The following LHPP variants were observed in gnomAD, a reference collection of about 807,000 sequenced individuals.
The protein encoded by LHPP is hLHPP.
LHPP carries 24 observed loss-of-function variants against 30.3 expected under a neutral mutation model. That is an observed-to-expected ratio of 0.79 (90% CI 0.57 to 1.11). The LOEUF is 1.11. LHPP is among the 50% of genes most tolerant of loss of function. LHPP has a pLI of 0.00. For synonymous variants in LHPP, 150 were observed against 157.1 expected (o/e 0.95, Z 0.34); for missense variants, 356 against 367.2 (o/e 0.97, Z 0.25).
chr10:124,574,962 C>A (rs557794220), intron 6 of LHPP, among the ~76,000 whole-genome samples: 3 of 152,256 alleles, frequency 2.0e-5, no homozygotes, highest in Non-Finnish European at 4.4e-5. Flanking sequence ...TGCCTCCTGC[C>A]GGGCCCTCCC....
At chr10:124,561,002 G>T (rs891490367) in intron 6 of LHPP, among the ~76,000 whole-genome samples, 7 of 152,188 alleles carry the variant, frequency 4.6e-5, no homozygotes, top group African/African-American at 1.7e-4. Flanking sequence ...GAAAGGAAGA[G>T]AGGAGAAGGC....
Position 124,571,835 on chromosome 10 carries a change from G to A in LHPP, c.717-41429G>A, listed in dbSNP as rs145655839. Among the ~76,000 whole-genome samples the A allele has an allele frequency of 1.5e-3, 222 of 152,330 alleles. 1 individual carries two copies. The highest frequency in any genetic ancestry group is 4.2e-3 in the East Asian group (22 of 5,184). ...AGCAGAGGAAGATAGACAACATGGC[G>A]ATGGATGAGGAAGTTGGGTTGTCTG... On this transcript the variant is annotated intron_variant, in intron 6 of 6. Coordinates refer to ENST00000368842, the MANE Select transcript of LHPP (RefSeq NM_022126.4).
In LHPP at chr10:124,572,801, G is replaced by A. The variant is rs183818071; in HGVS notation, c.717-40463G>A. 3.0e-3 allele frequency among the ~76,000 whole-genome samples: 454 copies of A among 152,272 alleles called. 3 individuals carry two copies. Among genetic ancestry groups the A allele is most frequent in the African/African-American group, 0.01 (435 of 41,548 alleles). On this transcript the variant is annotated intron_variant, in intron 6 of 6. Coordinates refer to ENST00000368842, the MANE Select transcript of LHPP (RefSeq NM_022126.4). ...GAAATCCAGAGGTTTGACCATGGGC[G>A]TCATTTCATCACTGCACTTGGCAGA...
chr10:124,586,899 A>C (rs1224560323), intron 6 of LHPP, among the ~76,000 whole-genome samples: 2 of 152,136 alleles, frequency 1.3e-5, no homozygotes, highest in Admixed American at 6.5e-5. Context: ...AATTATTTAT[A>C]TATGTGTGCA....
chr10:124,573,230 T>C (rs75020610), intron 6 of LHPP, among the ~76,000 whole-genome samples: 15,345 of 152,344 alleles, frequency 0.1, 1,015 homozygotes, highest in Non-Finnish European at 0.15. Context: ...CAGTTTCCTC[T>C]GTGAACACCT....
intron 2 of LHPP, among the ~76,000 whole-genome samples, chr10:124,486,770 C>T (rs1953340207): frequency 1.3e-5 from 2 of 152,270 alleles, no homozygotes; most frequent in Non-Finnish European, 2.9e-5. Context: ...CGCAGGGATA[C>T]AGAAACAGGT....
chr10:124,588,345 G>A (rs1021065039), intron 6 of LHPP, among the ~76,000 whole-genome samples: 1 of 150,094 alleles, frequency 6.7e-6, no homozygotes, highest in Non-Finnish European at 1.5e-5. Flanking sequence ...AGGCTGGAGT[G>A]CAGTGGCACA....
At chr10:124,470,868 T>C (rs1787102549) in intron 1 of LHPP, among the ~76,000 whole-genome samples, 1 of 151,906 alleles carries the variant, frequency 6.6e-6, no homozygotes, top group African/African-American at 2.4e-5. Context: ...GGACAAGGGG[T>C]GTTTGTCGAG....
intron 5 of LHPP, 37 bp downstream of exon 5, chr10:124,498,165 A>AGCCCTGTCAGGGAGGCC: frequency 6.5e-7 from 1 of 1,542,504 alleles, no homozygotes; most frequent in Non-Finnish European, 9.0e-7. Context: ...CAGGGGAGGC[A>AGCCCTGTCAGGGAGGCC]GCCCCGTCAG....
chr10:124,584,464 G>A (rs185994742), intron 6 of LHPP, among the ~76,000 whole-genome samples: 18 of 152,244 alleles, frequency 1.2e-4, no homozygotes, highest in African/African-American at 4.3e-4. Flanking sequence ...TGTCTGGTGA[G>A]TGCTACTCTG....
At chr10:124,527,620 C>G (rs1954775791) in intron 6 of LHPP, among the ~76,000 whole-genome samples, 1 of 152,178 alleles carries the variant, frequency 6.6e-6, no homozygotes, top group Non-Finnish European at 1.5e-5. Context: ...GGGCTGAAAC[C>G]AGAGCAGCAG....
chr10:124,474,652 T>C (rs11245087), intron 1 of LHPP, among the ~76,000 whole-genome samples: 1 of 151,622 alleles, frequency 6.6e-6, no homozygotes, highest in Non-Finnish European at 1.5e-5. Flanking sequence ...AAACCACAGG[T>C]CCCATCTCCA....
rs114323602 is a variant in LHPP, at chr10:124,611,149, C to G, written c.717-2115C>G. 6.6e-3 allele frequency among the ~76,000 whole-genome samples: 1,008 copies of G among 151,888 alleles called. 11 individuals are homozygous for G. Among genetic ancestry groups the G allele is most frequent in the African/African-American group, 0.023 (959 of 41,386 alleles). ...AGTGGCCGTGCTTGGGACGGCCAGC[C>G]AAGCGATCCCCACTGGTACTGGCAT... On this transcript the variant is annotated intron_variant, in intron 6 of 6. Coordinates refer to ENST00000368842, the MANE Select transcript of LHPP (RefSeq NM_022126.4).
chr10:124,480,603 C>T (rs1029955003), intron 1 of LHPP, among the ~76,000 whole-genome samples: 1 of 152,168 alleles, frequency 6.6e-6, no homozygotes, highest in Non-Finnish European at 1.5e-5. Context: ...ATCACACGTT[C>T]CAGGTGCCAA....
intron 6 of LHPP, among the ~76,000 whole-genome samples, chr10:124,544,638 T>C (rs1268869349): frequency 6.6e-6 from 1 of 152,194 alleles, no homozygotes; most frequent in Non-Finnish European, 1.5e-5. Context: ...ACCATGAGGT[T>C]GTGTGGGCTG....
rs111502699 is a variant in LHPP, at chr10:124,608,354, C to T, written c.717-4910C>T. 1.5e-3 allele frequency among the ~76,000 whole-genome samples: 228 copies of T among 152,290 alleles called. 2 individuals are homozygous for T. The highest frequency in any genetic ancestry group is 6.8e-3 in the Middle Eastern group (2 of 294). On this transcript the variant is annotated intron_variant, in intron 6 of 6. Coordinates refer to ENST00000368842, the MANE Select transcript of LHPP (RefSeq NM_022126.4). ...CCTCCCTGGCCAGCCCAGCCCCAGC[C>T]CACGGTGCATTCCCTGGACAGGATT...
intron 6 of LHPP, among the ~76,000 whole-genome samples, chr10:124,522,908 G>A (rs550151301): frequency 2.0e-5 from 3 of 152,254 alleles, no homozygotes; most frequent in African/African-American, 7.2e-5. Context: ...AGGAAGAGCC[G>A]CTGGCACATC....
chr10:124,575,514 CCT>C (rs1948646577), intron 6 of LHPP, among the ~76,000 whole-genome samples: 1 of 152,146 alleles, frequency 6.6e-6, no homozygotes, highest in Admixed American at 6.5e-5. Context: ...TGCGTCAGCC[CCT>C]GATTTTCCAT....
chr10:124,550,493 G>A (rs1275844010), intron 6 of LHPP, among the ~76,000 whole-genome samples: 4 of 152,182 alleles, frequency 2.6e-5, no homozygotes, highest in Admixed American at 6.5e-5. Flanking sequence ...TTCTGAAAAC[G>A]TGTGGGTGGG....
Sources: allele counts gnomAD v4.1 joint callset (sites outside exome capture counted in the v4.1 genomes callset), GRCh38; gene constraint gnomAD v4.1.1; transcripts MANE v1.5; gene names NCBI Gene and HGNC (gene_info 2026-07-23, HGNC 2026-07-21).